Variants in MITF observed in about 807,000 individuals in gnomAD.
MITF encodes the protein melanocyte inducing transcription factor, also known as microphthalmia-associated transcription factor.
In MITF, 17 loss-of-function variants were observed where a neutral mutation model predicts 60.5. The observed-to-expected ratio is 0.28, with a 90% CI of 0.19 to 0.42. The LOEUF (loss-of-function observed/expected upper bound fraction) is 0.42. Among genes scored for constraint, MITF ranks in the 10% least tolerant of loss-of-function variants. The pLI, the probability that MITF is intolerant of heterozygous loss-of-function variation, is 1.00. For synonymous variants in MITF, 260 were observed against 248.5 expected (o/e 1.05, Z -0.43); for missense variants, 622 against 683.5 (o/e 0.91, Z 1.00).
intron 1 of MITF, chr3:69,769,348 TACTC>T (rs2062355791): frequency 6.6e-6 from 1 of 152,250 alleles, no homozygotes; most frequent in African/African-American, 2.4e-5. Flanking sequence ...ACTCATATCT[TACTC>T]AACTATTTTT....
At chr3:69,772,917 A>G (rs2062414834) in intron 1 of MITF, among the ~76,000 whole-genome samples, 1 of 152,200 alleles carries the variant, frequency 6.6e-6, no homozygotes, top group African/African-American at 2.4e-5. Flanking sequence ...CTTTGTATTC[A>G]TGGAACTTAC....
rs1487839075 is a variant in MITF, at chr3:69,872,132, C to T, written c.105-7002C>T. 4.6e-5 allele frequency among the ~76,000 whole-genome samples: 7 copies of T among 152,058 alleles called. 1 individual carries two copies. Among genetic ancestry groups the T allele is most frequent in the Non-Finnish European group, 8.8e-5 (6 of 68,022 alleles). On this transcript the variant is annotated intron_variant, in intron 1 of 9. Coordinates refer to ENST00000352241, the MANE Select transcript of MITF (RefSeq NM_001354604.2). ...CTTTCAATGGTTTGGCTCTCAGAGG[C>T]GATTTCCTTGAAAGGAATTGAGTGT...
intron 1 of MITF, among the ~76,000 whole-genome samples, chr3:69,826,944 C>T (rs1381877267): frequency 6.6e-6 from 1 of 152,154 alleles, no homozygotes; most frequent in Non-Finnish European, 1.5e-5. Flanking sequence ...CCCTTCCTCT[C>T]TGCCACAATT....
At chr3:69,748,113 G>A (rs1263742292) in intron 1 of MITF, among the ~76,000 whole-genome samples, 2 of 152,162 alleles carry the variant, frequency 1.3e-5, no homozygotes, top group Non-Finnish European at 2.9e-5. Flanking sequence ...CACCTCCAGT[G>A]TTCACCAACT....
chr3:69,829,659 C>G (rs2063412812), intron 1 of MITF, among the ~76,000 whole-genome samples: 1 of 139,898 alleles, frequency 7.1e-6, no homozygotes, highest in East Asian at 2.0e-4. Context: ...TGTGTATATA[C>G]AAAGGTGTGG....
intron 1 of MITF, among the ~76,000 whole-genome samples, chr3:69,840,260 G>T (rs1188480853): frequency 6.6e-6 from 1 of 152,146 alleles, no homozygotes; most frequent in Non-Finnish European, 1.5e-5. Context: ...AAAAGGCTGT[G>T]CCAGGAACAC....
intron 1 of MITF, among the ~76,000 whole-genome samples, chr3:69,868,863 C>G (rs1433557173): frequency 6.7e-6 from 1 of 148,788 alleles, no homozygotes; most frequent in Non-Finnish European, 1.5e-5. Context: ...CGCACCACTG[C>G]ACTCCAGCCT....
rs556967302 is a variant in MITF at position 69,809,219 on chromosome 3, A to C, written c.104+69518A>C. On this transcript the variant is annotated intron_variant, in intron 1 of 9. Transcript: ENST00000352241. ...TAAAAATGGAAGCATTGCTCAGAAA[A>C]TAGGATAAGGAATGGGGTGAATGTG... is the stretch of plus-strand genomic sequence containing the variant. 2.0e-5 allele frequency among the ~76,000 whole-genome samples: 3 copies of C among 152,278 alleles called. No homozygotes were observed. The South Asian group carries it at 6.2e-4, about 32-fold the overall frequency.
chr3:69,868,770 G>A (rs944003337), intron 1 of MITF, among the ~76,000 whole-genome samples: 1 of 151,690 alleles, frequency 6.6e-6, no homozygotes, highest in African/African-American at 2.4e-5. Context: ...ATGGTGTCCC[G>A]GGCCTATAAA....
chr3:69,963,282 T>G (rs537883900), intron 9 of MITF, among the ~76,000 whole-genome samples: 6 of 152,332 alleles, frequency 3.9e-5, no homozygotes, highest in African/African-American at 1.4e-4. Context: ...AAAAAAATAC[T>G]TCCCCTTTGC....
At chr3:69,937,355 T>G (rs1318416118) in intron 2 of MITF, among the ~76,000 whole-genome samples, 2 of 149,762 alleles carry the variant, frequency 1.3e-5, no homozygotes, top group African/African-American at 5.0e-5. Context: ...ACACAGTTGG[T>G]TCTTAAGGAG....
At chr3:69,924,495 G>A (rs904782099) in intron 2 of MITF, among the ~76,000 whole-genome samples, 2 of 152,186 alleles carry the variant, frequency 1.3e-5, no homozygotes. Context: ...ATAAATATGT[G>A]TGCACTGTGT....
chr3:69,853,058 G>A (rs1050975085), intron 1 of MITF, among the ~76,000 whole-genome samples: 14 of 152,082 alleles, frequency 9.2e-5, no homozygotes, highest in Non-Finnish European at 1.6e-4. Context: ...TTCATTCATT[G>A]TATAGTGATG....
intron 1 of MITF, among the ~76,000 whole-genome samples, chr3:69,779,699 A>C (rs991471627): frequency 6.6e-6 from 1 of 152,142 alleles, no homozygotes; most frequent in Non-Finnish European, 1.5e-5. Flanking sequence ...AAAAATATAT[A>C]TAATTAAAAT....
chr3:69,891,868 T>G (rs943354317), intron 2 of MITF, among the ~76,000 whole-genome samples: 1 of 152,172 alleles, frequency 6.6e-6, no homozygotes, highest in African/African-American at 2.4e-5. Flanking sequence ...CTTGTACATG[T>G]GGTACATTCT....
At chr3:69,788,139 T>C (rs1210958409) in intron 1 of MITF, among the ~76,000 whole-genome samples, 1 of 151,892 alleles carries the variant, frequency 6.6e-6, no homozygotes, top group African/African-American at 2.4e-5. Flanking sequence ...TTTCTTTTTT[T>C]TTTTAATTAT....
chr3:69,843,460 C>A (rs1276331203), intron 1 of MITF, among the ~76,000 whole-genome samples: 2 of 152,078 alleles, frequency 1.3e-5, no homozygotes, highest in African/African-American at 4.8e-5. Flanking sequence ...ATTAGTTTTA[C>A]TGGATTATAC....
intron 1 of MITF, among the ~76,000 whole-genome samples, chr3:69,775,470 G>T (rs1056055049): frequency 2.6e-5 from 4 of 152,114 alleles, no homozygotes; most frequent in Non-Finnish European, 5.9e-5. Context: ...GTGGCCTTCT[G>T]GAATTTTATT....
intron 1 of MITF, chr3:69,764,076 T>A (rs2062253248): frequency 3.0e-6 from 2 of 676,724 alleles, no homozygotes; most frequent in Non-Finnish European, 4.3e-6. Flanking sequence ...TTCTGTTTGT[T>A]TTCGGAAATG....
Sources: allele counts gnomAD v4.1 joint callset (sites outside exome capture counted in the v4.1 genomes callset), GRCh38; gene constraint gnomAD v4.1.1; transcripts MANE v1.5; gene names NCBI Gene and HGNC (gene_info 2026-07-23, HGNC 2026-07-21).